Variants in DAB1 observed in about 807,000 individuals in gnomAD.
DAB1 encodes the protein disabled homolog 1.
A neutral mutation model predicts 64.6 loss-of-function variants in DAB1; 15 were observed. That is an observed-to-expected ratio of 0.23 (90% CI 0.16 to 0.36). The LOEUF (loss-of-function observed/expected upper bound fraction) is 0.36, where lower values mean the gene tolerates loss of function less well. Ranked by LOEUF, DAB1 falls within the 10% of genes least tolerant of loss-of-function variation. The pLI, the probability that DAB1 is intolerant of heterozygous loss-of-function variation, is 1.00. For missense variants in DAB1, 596 were observed against 706.7 expected, an observed-to-expected ratio of 0.84 and a Z score of 1.78; for synonymous variants, 235 against 251.9, an observed-to-expected ratio of 0.93 and a Z score of 0.64.
intron 2 of DAB1, among the ~76,000 whole-genome samples, chr1:57,266,266 C>T (rs1206242772): frequency 6.6e-6 from 1 of 152,088 alleles, no homozygotes; most frequent in Non-Finnish European, 1.5e-5. Flanking sequence ...TAATATTTTC[C>T]CTTCATGAGT....
At chr1:57,455,891 G>A (rs954008314) in intron 7 of DAB1, among the ~76,000 whole-genome samples, 7 of 152,176 alleles carry the variant, frequency 4.6e-5, no homozygotes, top group African/African-American at 1.2e-4. Context: ...GATTTCTTGC[G>A]GAACATTGCT....
chr1:58,170,245 G>C (rs1656088423), intron 4 of DAB1, among the ~76,000 whole-genome samples: 1 of 152,086 alleles, frequency 6.6e-6, no homozygotes, highest in African/African-American at 2.4e-5. Context: ...TGTTCTAGAA[G>C]GACTAAGGAG....
In DAB1 at chr1:57,789,961, A is replaced by C. The variant is rs112371992; in HGVS notation, n.551+94038T>G. ...GTGTACCACACTGAGCCCTGTCAAG[A>C]ACCTCACATATACACCTTCCCCGGT... On this transcript the variant is annotated intron_variant and non_coding_transcript_variant, in intron 6 of 20. Transcript: ENST00000485760. Among the ~76,000 whole-genome samples the C allele has an allele frequency of 4.1e-3, 629 of 152,278 alleles. 5 individuals are homozygous for C. Among genetic ancestry groups the C allele is most frequent in the African/African-American group, 0.014 (594 of 41,550 alleles).
intron 5 of DAB1, among the ~76,000 whole-genome samples, chr1:58,104,709 T>C (rs1011765793): frequency 2.0e-5 from 3 of 152,172 alleles, no homozygotes; most frequent in East Asian, 3.9e-4. Context: ...ACAGATGAGA[T>C]AGCTCACAAA....
Position 58,220,356 on chromosome 1 carries a change from C to T in DAB1, n.310-69768G>A, listed in dbSNP as rs557611197. 5.9e-5 allele frequency among the ~76,000 whole-genome samples: 9 copies of T among 152,210 alleles called. No individual in the cohort carries two copies. The South Asian group carries it at 8.3e-4, about 14-fold the overall frequency. On this transcript the variant is annotated intron_variant and non_coding_transcript_variant, in intron 4 of 20. Transcript: ENST00000485760. Reference sequence around the variant, plus strand: ...CCAAGCACCCCAGGTGTGAAGAAAGCGCCCCAGGTGTTTCTAACATGACCA... The same window carrying T: ...CCAAGCACCCCAGGTGTGAAGAAAGTGCCCCAGGTGTTTCTAACATGACCA...
intron 7 of DAB1, among the ~76,000 whole-genome samples, chr1:57,526,800 A>G (rs575553430): frequency 6.6e-6 from 1 of 152,352 alleles, no homozygotes; most frequent in Non-Finnish European, 1.5e-5. Context: ...TCAGATTACA[A>G]AAGTACTTTC....
At chr1:58,031,587 C>T (rs955438806) in intron 5 of DAB1, among the ~76,000 whole-genome samples, 5 of 152,120 alleles carry the variant, frequency 3.3e-5, no homozygotes, top group Non-Finnish European at 7.4e-5. Flanking sequence ...TGCTAAGGAC[C>T]AACTATTACA....
chr1:57,517,574 C>T (rs1447882699), intron 7 of DAB1, among the ~76,000 whole-genome samples: 1 of 152,204 alleles, frequency 6.6e-6, no homozygotes, highest in East Asian at 1.9e-4. Context: ...GTGTTTTAGA[C>T]CCTACTGTTT....
intron 3 of DAB1, among the ~76,000 whole-genome samples, chr1:58,498,908 C>T (rs1007695682): frequency 6.6e-5 from 10 of 151,860 alleles, no homozygotes; most frequent in Admixed American, 3.9e-4. Context: ...AAATAACTGA[C>T]GTAAATAATT....
At chr1:57,532,739 T>C (rs754307878) in intron 7 of DAB1, among the ~76,000 whole-genome samples, 1 of 152,188 alleles carries the variant, frequency 6.6e-6, no homozygotes, top group Non-Finnish European at 1.5e-5. Flanking sequence ...GGGACTCAAC[T>C]TCTGGGAGCC....
chr1:57,783,893 C>T (rs1470211721), intron 6 of DAB1, among the ~76,000 whole-genome samples: 2 of 152,084 alleles, frequency 1.3e-5, no homozygotes, highest in African/African-American at 4.8e-5. Flanking sequence ...CTGGTCATTC[C>T]CCAATCTCTC....
At chr1:57,991,356 TA>T (rs1646335705) in intron 5 of DAB1, among the ~76,000 whole-genome samples, 1 of 152,162 alleles carries the variant, frequency 6.6e-6, no homozygotes, top group Non-Finnish European at 1.5e-5. Flanking sequence ...TTTGATGAGT[TA>T]AATTCAACAA....
At chr1:58,502,613 A>C (rs1424311324) in intron 3 of DAB1, among the ~76,000 whole-genome samples, 2 of 152,228 alleles carry the variant, frequency 1.3e-5, no homozygotes, top group Non-Finnish European at 2.9e-5. Context: ...ATAAAATATA[A>C]TTTCAAAATG....
intron 6 of DAB1, among the ~76,000 whole-genome samples, chr1:57,667,133 T>C (rs1395754853): frequency 1.3e-5 from 2 of 152,208 alleles, no homozygotes; most frequent in Non-Finnish European, 2.9e-5. Flanking sequence ...TTCCATCTAA[T>C]CACAAACAAA....
chr1:57,292,186 T>A (rs1394687648), intron 1 of DAB1, among the ~76,000 whole-genome samples: 1 of 152,188 alleles, frequency 6.6e-6, no homozygotes, highest in East Asian at 1.9e-4. Context: ...TGACCTCAAA[T>A]GCCAGTTTCA....
chr1:57,985,480 C>T (rs1211514979), intron 5 of DAB1, among the ~76,000 whole-genome samples: 1 of 152,122 alleles, frequency 6.6e-6, no homozygotes, highest in Non-Finnish European at 1.5e-5. Context: ...AGGTGATTAG[C>T]ATTAACACCA....
chr1:57,948,050 T>C (rs1570048264), intron 5 of DAB1, among the ~76,000 whole-genome samples: 1 of 152,180 alleles, frequency 6.6e-6, no homozygotes, highest in Non-Finnish European at 1.5e-5. Context: ...TGACCTGGGG[T>C]CCCTCTCTGC....
chr1:57,885,489 G>T (rs920802330), upstream of DAB1, among the ~76,000 whole-genome samples: 1 of 152,178 alleles, frequency 6.6e-6, no homozygotes, highest in African/African-American at 2.4e-5. Context: ...AGGGGTGTAT[G>T]TGTGTACAGG....
chr1:58,269,019 T>TA (rs59895564), intron 4 of DAB1, among the ~76,000 whole-genome samples: 139,069 of 151,302 alleles, frequency 0.92, 63,915 homozygotes, highest in South Asian at 0.95. Context: ...TTTATTTATT[T>TA]TTTTTTTATT....
Sources: gnomAD v4.1 joint callset for allele counts (sites outside exome capture counted in the v4.1 genomes callset) on GRCh38, gnomAD v4.1.1 for gene constraint, MANE v1.5 for transcripts, NCBI Gene and HGNC (gene_info 2026-07-23, HGNC 2026-07-21) for gene names.